SEMA6D: variants seen among roughly 807,000 people sequenced by gnomAD.
SEMA6D encodes semaphorin-6D.
A neutral mutation model predicts 106.6 loss-of-function variants in SEMA6D; 35 were observed. The observed-to-expected ratio is 0.33, with a 90% CI of 0.25 to 0.44. The LOEUF is 0.44. Ranked by LOEUF, SEMA6D falls within the 20% of genes least tolerant of loss-of-function variation. SEMA6D has a pLI of 1.00. For missense variants in SEMA6D, 1,185 were observed against 1,345.9 expected, an observed-to-expected ratio of 0.88 and a Z score of 1.87; for synonymous variants, 499 against 487.7, an observed-to-expected ratio of 1.02 and a Z score of -0.31.
At chr15:47,659,829 A>G (rs1445112044) in intron 4 of SEMA6D, among the ~76,000 whole-genome samples, 1 of 152,146 alleles carries the variant, frequency 6.6e-6, no homozygotes, top group Non-Finnish European at 1.5e-5. Flanking sequence ...TGTGCAAGTT[A>G]AAATAAATTT....
At chr15:47,282,554 C>T (rs555906934) in intron 1 of SEMA6D, among the ~76,000 whole-genome samples, 73 of 152,212 alleles carry the variant, frequency 4.8e-4, no homozygotes, top group Middle Eastern at 3.4e-3. Context: ...AATGAGTGGA[C>T]ACATTTCTGT....
At chr15:47,763,182 T>A in intron 9 of SEMA6D, 78 bp downstream of exon 9, 1 of 1,100,924 alleles carries the variant, frequency 9.1e-7, no homozygotes, top group Non-Finnish European at 1.3e-6. Context: ...TTAAGGATGC[T>A]CACTTGGCAT....
In SEMA6D at chr15:47,551,879, A is replaced by G. The variant is rs924991798; in HGVS notation, c.-86-48986A>G. 7.9e-5 allele frequency among the ~76,000 whole-genome samples: 12 copies of G among 152,308 alleles called. No individual in the cohort carries two copies. The East Asian group carries it at 1.5e-3, about 20-fold the overall frequency. On this transcript the variant is annotated intron_variant, in intron 3 of 19. Coordinates refer to the SEMA6D transcript ENST00000558014. Reference sequence around the variant, plus strand: ...CTATGAAATTGAAATACACAGAGGTATGGATGAACTTATATATTGCTAGAG... The same window carrying G: ...CTATGAAATTGAAATACACAGAGGTGTGGATGAACTTATATATTGCTAGAG...
intron 3 of SEMA6D, among the ~76,000 whole-genome samples, chr15:47,471,132 A>C (rs1402098433): frequency 1.3e-5 from 2 of 152,106 alleles, no homozygotes; most frequent in Non-Finnish European, 2.9e-5. Context: ...TTCCTCATGA[A>C]TGTTGGTGGG....
intron 1 of SEMA6D, among the ~76,000 whole-genome samples, chr15:47,200,851 T>C (rs989721846): frequency 1.3e-5 from 2 of 152,226 alleles, no homozygotes; most frequent in Non-Finnish European, 2.9e-5. Flanking sequence ...TGCTGGTTTC[T>C]ATGCTTGACA....
At chr15:47,261,512 T>C (rs2034073996) in intron 1 of SEMA6D, among the ~76,000 whole-genome samples, 1 of 152,170 alleles carries the variant, frequency 6.6e-6, no homozygotes, top group Non-Finnish European at 1.5e-5. Context: ...TTTTGCTTTT[T>C]AATGGCTTCG....
At chr15:47,554,632 A>T (rs192526482) in intron 3 of SEMA6D, among the ~76,000 whole-genome samples, 1 of 152,314 alleles carries the variant, frequency 6.6e-6, no homozygotes, top group African/African-American at 2.4e-5. Flanking sequence ...TAAGCAAGAC[A>T]TGGAGCTGTG....
At chr15:47,299,622 ATAGT>A (rs1226873799) in intron 1 of SEMA6D, among the ~76,000 whole-genome samples, 1 of 152,236 alleles carries the variant, frequency 6.6e-6, no homozygotes, top group African/African-American at 2.4e-5. Context: ...TGGTAAGGAA[ATAGT>A]TAATGAGGCT....
intron 4 of SEMA6D, among the ~76,000 whole-genome samples, chr15:47,711,450 AAACT>A (rs961339351): frequency 3.3e-5 from 5 of 152,196 alleles, no homozygotes; most frequent in African/African-American, 1.2e-4. Flanking sequence ...AAAGTTAAAC[AAACT>A]AAGTTTCTCT....
intron 2 of SEMA6D, among the ~76,000 whole-genome samples, chr15:47,470,102 A>G (rs1177554960): frequency 6.6e-6 from 1 of 152,232 alleles, no homozygotes; most frequent in East Asian, 1.9e-4. Context: ...AGTACAGTTT[A>G]GAGACATACT....
intron 3 of SEMA6D, among the ~76,000 whole-genome samples, chr15:47,505,603 T>C (rs2044013136): frequency 6.6e-6 from 1 of 152,166 alleles, no homozygotes; most frequent in Non-Finnish European, 1.5e-5. Context: ...AGGACATGCA[T>C]GCAAAGATAC....
At chr15:47,210,126 T>C (rs553788612) in intron 1 of SEMA6D, among the ~76,000 whole-genome samples, 5 of 152,322 alleles carry the variant, frequency 3.3e-5, no homozygotes, top group African/African-American at 1.2e-4. Flanking sequence ...AAAATATGTT[T>C]AACTGATTAA....
At chr15:47,579,672 T>C (rs1220724640) in intron 3 of SEMA6D, among the ~76,000 whole-genome samples, 1 of 152,178 alleles carries the variant, frequency 6.6e-6, no homozygotes, top group East Asian at 1.9e-4. Flanking sequence ...ACATAGTAAT[T>C]ACATGTTCCT....
intron 1 of SEMA6D, among the ~76,000 whole-genome samples, chr15:47,254,349 AT>A (rs2033683832): frequency 2.0e-5 from 3 of 147,834 alleles, no homozygotes; most frequent in African/African-American, 7.4e-5. Context: ...ATATATATAT[AT>A]ATAAATGATT....
At chr15:47,185,943 G>A (rs996482624) in intron 1 of SEMA6D, among the ~76,000 whole-genome samples, 3 of 151,962 alleles carry the variant, frequency 2.0e-5, no homozygotes, top group Admixed American at 1.3e-4. Flanking sequence ...CTTGACAAGA[G>A]AAATTATTAA....
At chr15:47,553,438 C>G (rs954848571) in intron 3 of SEMA6D, among the ~76,000 whole-genome samples, 1 of 152,132 alleles carries the variant, frequency 6.6e-6, no homozygotes, top group African/African-American at 2.4e-5. Flanking sequence ...TTTGCCCACA[C>G]CCGCGCCTAT....
chr15:47,688,540 A>G (rs2078518369), intron 4 of SEMA6D, among the ~76,000 whole-genome samples: 1 of 152,194 alleles, frequency 6.6e-6, no homozygotes, highest in African/African-American at 2.4e-5. Flanking sequence ...AGAGCTGTTA[A>G]GGGTTTTATA....
At chr15:47,659,982 G>A (rs1246036405) in intron 4 of SEMA6D, among the ~76,000 whole-genome samples, 1 of 151,846 alleles carries the variant, frequency 6.6e-6, no homozygotes, top group Non-Finnish European at 1.5e-5. Context: ...AAAAGGGATT[G>A]TCATTGTCAA....
chr15:47,771,046 T>C lies in SEMA6D; in HGVS notation c.2483T>C (p.Ile828Thr), dbSNP rs1379333473. 1 of 1,614,008 alleles carries C rather than the reference T, an allele frequency of 6.2e-7. No individual in the cohort carries two copies. Among genetic ancestry groups the C allele is most frequent in the Non-Finnish European group, 8.5e-7 (1 of 1,180,002 alleles). Residue 828 changes from isoleucine (I) to threonine (T), a missense_variant, in exon 19 of 19, where the codon ATT becomes ACT. Around this residue, in one of 3 missense-constraint regions of SEMA6D, gnomAD observed 750 missense variants for 783.5 expected, o/e 0.96. Coordinates refer to ENST00000536845, the MANE Select transcript of SEMA6D (RefSeq NM_001358351.3). ...PLSHGHIPSAIVLPNATHDYN... is the reference protein window; with the variant it reads ...PLSHGHIPSATVLPNATHDYN... ...AGTCATGGGCATATCCCCAGTGCCATTGTTCTTCCAAATGCTACCCATGAC... is the reference window on the plus strand; with the variant it reads ...AGTCATGGGCATATCCCCAGTGCCACTGTTCTTCCAAATGCTACCCATGAC...
Sources: gnomAD v4.1 joint callset for allele counts (sites outside exome capture counted in the v4.1 genomes callset) on GRCh38, gnomAD v4.1.1 for gene constraint, gnomAD v4.1.1 regional missense constraint, MANE v1.5 for transcripts, NCBI Gene and HGNC (gene_info 2026-07-23, HGNC 2026-07-21) for gene names.